The following OR10H1 variants were observed in gnomAD, a reference collection of about 807,000 sequenced individuals.
OR10H1 encodes olfactory receptor 10H1.
A neutral mutation model predicts 13.1 loss-of-function variants in OR10H1; 12 were observed. The observed-to-expected ratio is 0.92, with a 90% CI of 0.59 to 1.48. OR10H1 has a LOEUF of 1.48. Among genes scored for constraint, OR10H1 ranks in the 40% most tolerant of loss-of-function variants. OR10H1 has a pLI of 0.00. For synonymous variants in OR10H1, 168 were observed against 175.6 expected (o/e 0.96, Z 0.34); for missense variants, 363 against 413.1 (o/e 0.88, Z 1.05).
chr19:15,813,623 G>A (rs920796738), intron 1 of OR10H1, among the ~76,000 whole-genome samples: 2 of 149,660 alleles, frequency 1.3e-5, no homozygotes, highest in African/African-American at 4.9e-5. Flanking sequence ...CACACAGAGA[G>A]AGAGAGAGAT....
Position 15,807,528 on chromosome 19 carries a change from T to A in OR10H1, c.510A>T (p.Gly170=), listed in dbSNP as rs368911893. ...TSAIFHLAFC[G]HKEIHHFACH... ...AAGCAAAATGGTGGATCTCCTTGTGTCCACAGAAGGCGAGGTGGAAAATGG... is the reference window on the plus strand; with the variant it reads ...AAGCAAAATGGTGGATCTCCTTGTGACCACAGAAGGCGAGGTGGAAAATGG... The change falls in exon 4 of 4, where the codon GGA becomes GGT. Residue 170 remains glycine (G), a synonymous_variant. Transcript: ENST00000641419. The A allele has an allele frequency of 2.0e-5, 32 of 1,613,998 alleles. No individual in the cohort carries two copies. The highest frequency in any genetic ancestry group is 8.5e-6 in the Non-Finnish European group (10 of 1,180,042).
chr19:15,814,090 C>T (rs374279374), intron 1 of OR10H1, among the ~76,000 whole-genome samples: 104 of 152,000 alleles, frequency 6.8e-4, no homozygotes, highest in African/African-American at 2.4e-3. Flanking sequence ...ACGCTAGGGG[C>T]GAATCATTCT....
rs372619420 is a variant in OR10H1 at position 15,807,555 on chromosome 19, C to T, written c.483G>A (p.Ser161=). The change falls in exon 4 of 4, where the codon TCG becomes TCA. Residue 161 remains serine, a synonymous_variant. Transcript: ENST00000641419. ...GGLVMGMVVT[S]AIFHLAFCGH... Reference sequence around the variant, plus strand: ...CACAGAAGGCGAGGTGGAAAATGGCCGAGGTCACCACCATCCCCATGACCA... The same window carrying T: ...CACAGAAGGCGAGGTGGAAAATGGCTGAGGTCACCACCATCCCCATGACCA... 10 of 1,614,048 alleles carry T rather than the reference C, an allele frequency of 6.2e-6. No homozygotes were observed. In the African/African-American group the frequency reaches 1.1e-4, roughly 17 times the overall value.
chr19:15,810,306 A>AAT, intron 2 of OR10H1, among the ~76,000 whole-genome samples: 1 of 151,132 alleles, frequency 6.6e-6, no homozygotes, highest in South Asian at 2.1e-4. Context: ...AAAAAAAAAA[A>AAT]AAAAAAGGAG....
chr19:15,808,252 A>G (rs2088914609), intron 3 of OR10H1: 2 of 568,528 alleles, frequency 3.5e-6, no homozygotes, highest in South Asian at 2.4e-5. Flanking sequence ...TACCTTGAGC[A>G]TAGTCATTGA....
rs2088904779 is a variant in OR10H1, at chr19:15,807,414, C to T, written c.624G>A (p.Leu208=). The T allele has an allele frequency of 6.2e-7, 1 of 1,614,216 alleles. No individual in the cohort carries two copies. Among genetic ancestry groups the T allele is most frequent in the East Asian group, 2.2e-5 (1 of 44,878 alleles). ...KGVGLVCITA[L]LGCFLLILLS... Reference sequence around the variant, plus strand: ...GGAGGATGAGGAGAAAACAGCCCAGCAGGGCCGTGATACACACCAAGCCCA... The same window carrying T: ...GGAGGATGAGGAGAAAACAGCCCAGTAGGGCCGTGATACACACCAAGCCCA... Residue 208 remains leucine, a synonymous_variant, in exon 4 of 4, where the codon CTG becomes CTA. Coordinates refer to ENST00000641419, the MANE Select transcript of OR10H1 (RefSeq NM_013940.4).
At chr19:15,809,100 G>T (rs1204780361) in intron 2 of OR10H1, among the ~76,000 whole-genome samples, 1 of 151,960 alleles carries the variant, frequency 6.6e-6, no homozygotes, top group Non-Finnish European at 1.5e-5. Context: ...AGACTGTGTT[G>T]CTCTAAGGAA....
At position 15,809,862 on chromosome 19, in the gene OR10H1, G is replaced by A. The variant is rs185995788; in HGVS notation, c.-128-1021C>T. 6.7e-4 allele frequency among the ~76,000 whole-genome samples: 102 copies of A among 151,982 alleles called. 1 individual carries two copies. Among genetic ancestry groups the A allele is most frequent in the Middle Eastern group, 3.4e-3 (1 of 294 alleles). ...GGGTCTGGCTCTGTCACCCAGGCTG[G>A]AGTGCAGTGGCACAATTATCATAGC... On this transcript the variant is annotated intron_variant, in intron 2 of 3. Transcript: ENST00000641419.
Position 15,807,303 on chromosome 19 carries a change from G to A in OR10H1, c.735C>T (p.His245=). 4.3e-6 allele frequency: 7 copies of A among 1,614,020 alleles called. No homozygotes were observed. Among genetic ancestry groups the A allele is most frequent in the Non-Finnish European group, 5.9e-6 (7 of 1,179,884 alleles). Residue 245 remains histidine (H), a synonymous_variant, in exon 4 of 4, where the codon CAC becomes CAT. Coordinates refer to ENST00000641419, the MANE Select transcript of OR10H1 (RefSeq NM_013940.4). ...RNKAFSTCAS[H]LTVVVVHYGF... ...CATAGTGCACGACCACCACAGTGAG[G>A]TGAGAGGCACAGGTGGAGAAGGCCT...
chr19:15,811,213 C>A (rs2088930968), intron 2 of OR10H1, among the ~76,000 whole-genome samples: 1 of 152,174 alleles, frequency 6.6e-6, no homozygotes, highest in South Asian at 2.1e-4. Context: ...CCCCACAGCA[C>A]CACCATGTCC....
intron 2 of OR10H1, among the ~76,000 whole-genome samples, chr19:15,811,106 T>C (rs897530599): frequency 3.3e-5 from 5 of 152,150 alleles, no homozygotes; most frequent in Middle Eastern, 3.2e-3. Context: ...CCAAACATCG[T>C]TGGTCTCCAG....
At chr19:15,814,445 T>TTGTG (rs148400110) in intron 1 of OR10H1, among the ~76,000 whole-genome samples, 41 of 102,040 alleles carry the variant, frequency 4.0e-4, no homozygotes, top group South Asian at 9.0e-4. Flanking sequence ...GACGCCTCCC[T>TTGTG]TGTGTGTGTG....
intron 2 of OR10H1, among the ~76,000 whole-genome samples, chr19:15,809,799 CAATT>C (rs1405028025): frequency 2.7e-5 from 4 of 148,858 alleles, no homozygotes; most frequent in Non-Finnish European, 5.9e-5. Flanking sequence ...CTTTATGAAA[CAATT>C]AAATATATTC....
rs116227636 is a variant in OR10H1 at position 15,809,322 on chromosome 19, A to C, written c.-128-481T>G. 4.9e-3 allele frequency among the ~76,000 whole-genome samples: 748 copies of C among 152,026 alleles called. 8 individuals carry two copies. The highest frequency in any genetic ancestry group is 0.017 in the African/African-American group (705 of 41,438). ...TTTATTTTTGTAGAGACAGAGTTTC[A>C]TTCTGTTCCCCAGACTGGAGTGCAA... is the stretch of plus-strand genomic sequence containing the variant. On this transcript the variant is annotated intron_variant, in intron 2 of 3. Coordinates refer to ENST00000641419, the MANE Select transcript of OR10H1 (RefSeq NM_013940.4).
At chr19:15,813,843 G>T (rs553800796) in intron 1 of OR10H1, among the ~76,000 whole-genome samples, 38 of 151,624 alleles carry the variant, frequency 2.5e-4, no homozygotes, top group African/African-American at 8.5e-4. Context: ...GAGAGAGAGG[G>T]AGGTGGGAAG....
In OR10H1 at chr19:15,806,748, G is replaced by A. The variant is rs114121351; in HGVS notation, c.*333C>T. 2,591 of 218,982 alleles carry A rather than the reference G, an allele frequency of 0.012. 73 individuals carry two copies. The highest frequency in any genetic ancestry group is 0.056 in the African/African-American group (2,425 of 43,148). 13.6% of individuals were successfully genotyped at this position (218,982 alleles called of 1,614,324 possible). ...TTTTTTCTTTCTTTCTTTCTTCTTT[G>A]AGACAGTCTCACTCTGTCGCCCAGG... On this transcript the variant is annotated 3_prime_UTR_variant, in exon 4 of 4. Coordinates refer to ENST00000641419, the MANE Select transcript of OR10H1 (RefSeq NM_013940.4).
chr19:15,813,102 T>A (rs79336002), intron 1 of OR10H1, among the ~76,000 whole-genome samples: 1 of 150,728 alleles, frequency 6.6e-6, no homozygotes, highest in African/African-American at 2.4e-5. Flanking sequence ...TTTCAGTCAA[T>A]GACAATGTGT....
Position 15,807,846 on chromosome 19 carries a change from G to T in OR10H1, c.192C>A (p.Cys64Ter). The T allele has an allele frequency of 6.2e-7, 1 of 1,609,754 alleles. No homozygotes were observed. The highest frequency in any genetic ancestry group is 8.5e-7 in the Non-Finnish European group (1 of 1,176,552). Residue 64 changes from cysteine to a stop codon, truncating the protein, a stop_gained, in exon 4 of 4, where the codon TGC becomes TGA. Coordinates refer to ENST00000641419, the MANE Select transcript of OR10H1 (RefSeq NM_013940.4). LOFTEE classifies it high-confidence loss of function. Reference protein sequence around the residue: ...SLHTPMYLFLCALSVSEILYT... With the variant: ...SLHTPMYLFL ...AGAGGATCTCGGAGACGGAGAGGGC[G>T]CACAGGAAGAGGTACATGGGCGTGT...
rs370279742 is a variant in OR10H1 at position 15,808,067 on chromosome 19, G to A, written c.-11-19C>T. On this transcript the variant is annotated intron_variant, in intron 3 of 3. Transcript: ENST00000641419. ...GCTGTGCCTGGGGTGAGATGTGACA[G>A]GGAGATGTCAGTTACTGCATGAAGA... 19 of 1,574,812 alleles carry A rather than the reference G, an allele frequency of 1.2e-5. No homozygotes were observed. The highest frequency in any genetic ancestry group is 1.7e-4 in the Middle Eastern group (1 of 5,946).
Sources: gnomAD v4.1 joint callset for allele counts (sites outside exome capture counted in the v4.1 genomes callset) on GRCh38, gnomAD v4.1.1 for gene constraint, MANE v1.5 for transcripts, NCBI Gene and HGNC (gene_info 2026-07-23, HGNC 2026-07-21) for gene names.